SCARB2: variants seen among roughly 807,000 people sequenced by gnomAD.
The protein encoded by SCARB2 is lysosome membrane protein 2.
SCARB2 carries 29 observed loss-of-function variants against 58.6 expected under a neutral mutation model. That is an observed-to-expected ratio of 0.49 (90% confidence interval 0.37 to 0.67). SCARB2 has a LOEUF of 0.67. Ranked by LOEUF, SCARB2 falls within the 30% of genes least tolerant of loss-of-function variation. The pLI, the probability that SCARB2 is intolerant of heterozygous loss-of-function variation, is 0.00. For missense variants in SCARB2, 488 were observed against 578.5 expected (o/e 0.84, Z 1.60); for synonymous variants, 195 against 210.1 (o/e 0.93, Z 0.62).
intron 3 of SCARB2, 98 bp downstream of exon 3, chr4:76,180,855 TA>T (rs1732368104): frequency 1.9e-6 from 2 of 1,035,796 alleles, no homozygotes; most frequent in Non-Finnish European, 2.8e-6. Flanking sequence ...TATTTCAACA[TA>T]ACTTAATGGC....
intron 1 of SCARB2, among the ~76,000 whole-genome samples, chr4:76,219,397 T>G (rs1733269083): frequency 6.6e-6 from 1 of 152,206 alleles, no homozygotes; most frequent in South Asian, 2.1e-4. Context: ...GGTACTTTGA[T>G]GGTACTTTCT....
chr4:76,227,138 T>C (rs1391758952), intron 1 of SCARB2, among the ~76,000 whole-genome samples: 1 of 152,210 alleles, frequency 6.6e-6, no homozygotes, highest in African/African-American at 2.4e-5. Context: ...TTGTGCTCTT[T>C]CAGACTTTTT....
intron 7 of SCARB2, among the ~76,000 whole-genome samples, chr4:76,170,389 C>T (rs1732102758): frequency 6.6e-6 from 1 of 152,162 alleles, no homozygotes; most frequent in Non-Finnish European, 1.5e-5. Flanking sequence ...TACCCAGGGA[C>T]AGCTAGCCAT....
chr4:76,186,521 G>A (rs17001596), intron 2 of SCARB2, among the ~76,000 whole-genome samples: 3,391 of 152,176 alleles, frequency 0.022, 127 homozygotes, highest in African/African-American at 0.074. Flanking sequence ...TACGCTGCCC[G>A]CTCAGGTAAC....
At chr4:76,177,727 C>T (rs1005375673) in intron 4 of SCARB2, among the ~76,000 whole-genome samples, 4 of 152,318 alleles carry the variant, frequency 2.6e-5, no homozygotes, top group Non-Finnish European at 5.9e-5. Flanking sequence ...CATGCTACAA[C>T]ATGGATGAAC....
chr4:76,179,587 T>C lies in SCARB2; in HGVS notation c.542A>G (p.Lys181Arg). ...ATGGATAAGGGACAAGATTTCATCT[T>C]TGTAGCCCCAGAGCAATTCGTCAAC... is the stretch of plus-strand genomic sequence containing the variant. The part of the protein sequence containing the change: ...HTVDELLWGY[K>R]DEILSLIHVF... The change falls in exon 4 of 12, where the codon AAA becomes AGA. Residue 181 changes from lysine to arginine, a missense_variant. Physicochemically the swap from Lys to Arg is conservative, Grantham distance 26. Coordinates refer to ENST00000264896, the MANE Select transcript of SCARB2 (RefSeq NM_005506.4). 1 of 1,614,224 alleles carries C rather than the reference T, an allele frequency of 6.2e-7. No homozygotes were observed. The highest frequency in any genetic ancestry group is 8.5e-7 in the Non-Finnish European group (1 of 1,180,020).
intron 1 of SCARB2, among the ~76,000 whole-genome samples, chr4:76,228,107 T>G (rs1012554299): frequency 2.0e-5 from 3 of 151,602 alleles, no homozygotes; most frequent in Non-Finnish European, 2.9e-5. Context: ...TTTCATTGTG[T>G]TGTTGTTTTA....
At position 76,174,246 on chromosome 4, in the gene SCARB2, G is replaced by C. The variant is rs1316817158; in HGVS notation, c.892C>G (p.Pro298Ala). The C allele has an allele frequency of 6.2e-7, 1 of 1,614,028 alleles. No individual in the cohort carries two copies. The highest frequency in any genetic ancestry group is 1.3e-5 in the African/African-American group (1 of 74,912). ...QGLPAFRYKV[P>A]AEILANTSDN... ...GACGTATTGGCTAATATTTCTGCAG[G>C]AACTTTATACCGAAAGGCAGGCAGT... is the stretch of plus-strand genomic sequence containing the variant. Residue 298 changes from proline to alanine, a missense_variant, in exon 7 of 12, where the codon CCT becomes GCT. Transcript: ENST00000264896.
intron 2 of SCARB2, among the ~76,000 whole-genome samples, chr4:76,189,332 A>G (rs988271788): frequency 3.9e-5 from 6 of 152,228 alleles, no homozygotes; most frequent in Non-Finnish European, 8.8e-5. Flanking sequence ...TTTATAAAGG[A>G]AAGAGGTTTA....
At chr4:76,187,252 C>G (rs1732505406) in intron 2 of SCARB2, among the ~76,000 whole-genome samples, 1 of 152,136 alleles carries the variant, frequency 6.6e-6, no homozygotes, top group Non-Finnish European at 1.5e-5. Context: ...ATAGACTTGA[C>G]TACAACACAT....
chr4:76,179,512 C>T lies in SCARB2; in HGVS notation c.612+5G>A, dbSNP rs1019363350. ...AAGAGGTTCTGAAAAGAAAAATCTACTTACCTCATAGAATAGGCCAAAATA... is the reference window on the plus strand; with the variant it reads ...AAGAGGTTCTGAAAAGAAAAATCTATTTACCTCATAGAATAGGCCAAAATA... On this transcript the variant is annotated splice_donor_5th_base_variant and intron_variant, in intron 4 of 11. Transcript: ENST00000264896. 3.1e-6 allele frequency: 5 copies of T among 1,608,730 alleles called. No individual in the cohort carries two copies. Among genetic ancestry groups the T allele is most frequent in the Non-Finnish European group, 3.4e-6 (4 of 1,175,212 alleles).
rs1280091346 is a variant in SCARB2 at position 76,213,643 on chromosome 4, T to TCGGCG, written c.-105_-101dup. 1 of 908,290 alleles carries TCGGCG rather than the reference T, an allele frequency of 1.1e-6. No homozygotes were observed. The highest frequency in any genetic ancestry group is 1.7e-5 in the African/African-American group (1 of 60,582). 56.3% of individuals were successfully genotyped at this position (908,290 alleles called of 1,614,324 possible). A position where few individuals can be genotyped will look rare whatever the true frequency, so the allele number is the denominator to read the frequency against. On this transcript the variant is annotated 5_prime_UTR_variant, in exon 1 of 12. Coordinates refer to ENST00000264896, the MANE Select transcript of SCARB2 (RefSeq NM_005506.4). ...AGAGGCGTCGAAGACCCGGGACCCTTCGGCGCCACGCCCACGCCCTCCCGG... is the reference window on the plus strand; with the variant it reads ...AGAGGCGTCGAAGACCCGGGACCCTTCGGCGCGGCGCCACGCCCACGCCCTCCCGG...
At chr4:76,199,635 G>C (rs1185993465) in intron 1 of SCARB2, among the ~76,000 whole-genome samples, 1 of 152,110 alleles carries the variant, frequency 6.6e-6, no homozygotes, top group Non-Finnish European at 1.5e-5. Context: ...ATTTTATTTG[G>C]CAACTCTAGC....
chr4:76,202,349 C>A (rs1274110504), intron 1 of SCARB2, among the ~76,000 whole-genome samples: 2 of 152,080 alleles, frequency 1.3e-5, no homozygotes, highest in African/African-American at 4.8e-5. Context: ...ACAACCTCCG[C>A]CTCCCGGGTT....
chr4:76,163,374 T>C lies in SCARB2; in HGVS notation c.1249A>G (p.Ile417Val), dbSNP rs778593496. ...AGTCGACTCGCCGTCTCTTTATCAA[T>C]GTGAACACTCTGGAGAGGCAAGAAA... ...PVMYLNESVH[I>V]DKETASRLKS... Residue 417 changes from isoleucine to valine, a missense_variant, in exon 11 of 12, where the codon ATT becomes GTT. Ile to Val is a conservative substitution (Grantham distance 29). Coordinates refer to ENST00000264896, the MANE Select transcript of SCARB2 (RefSeq NM_005506.4). 21 of 1,614,100 alleles carry C rather than the reference T, an allele frequency of 1.3e-5. No homozygotes were observed. The highest frequency in any genetic ancestry group is 1.7e-5 in the Admixed American group (1 of 60,002).
chr4:76,201,805 C>T (rs1297203828), intron 1 of SCARB2, among the ~76,000 whole-genome samples: 8 of 152,168 alleles, frequency 5.3e-5, no homozygotes. Context: ...CTGTCTTTAG[C>T]AATTTTGGTT....
intron 1 of SCARB2, among the ~76,000 whole-genome samples, chr4:76,208,674 G>A (rs1018198174): frequency 6.6e-6 from 1 of 152,158 alleles, no homozygotes; most frequent in Non-Finnish European, 1.5e-5. Context: ...CTCTCAGGAG[G>A]CCTTACTGTG....
chr4:76,192,250 A>T (rs62302961), intron 2 of SCARB2: 27,656 of 152,178 alleles, frequency 0.18, 2,719 homozygotes, highest in East Asian at 0.35. Context: ...AAAGTTTGCA[A>T]TGTCTTAAAG....
intron 1 of SCARB2, among the ~76,000 whole-genome samples, chr4:76,202,365 G>A (rs187573570): frequency 5.9e-5 from 9 of 152,162 alleles, no homozygotes; most frequent in African/African-American, 1.4e-4. Flanking sequence ...GGGTTCAAGC[G>A]ATTCTCCTGC....
Sources: gnomAD v4.1 joint callset for allele counts (sites outside exome capture counted in the v4.1 genomes callset) on GRCh38, gnomAD v4.1.1 for gene constraint, MANE v1.5 for transcripts, NCBI Gene and HGNC (gene_info 2026-07-23, HGNC 2026-07-21) for gene names.